GRID1: variants seen among roughly 807,000 people sequenced by gnomAD.
The protein encoded by GRID1 is glutamate ionotropic receptor delta type subunit 1.
A neutral mutation model predicts 98.0 loss-of-function variants in GRID1; 28 were observed. The observed-to-expected ratio is 0.29, with a 90% CI of 0.21 to 0.39. GRID1 has a LOEUF of 0.39. GRID1 is among the 10% of genes least tolerant of loss of function. The probability of loss-of-function intolerance (pLI) is 1.00; values close to 1 mark genes in which losing one functional copy is unlikely to be tolerated. For missense variants in GRID1, 1,111 were observed against 1,340.5 expected (o/e 0.83, Z 2.67); for synonymous variants, 553 against 538.5 (o/e 1.03, Z -0.37).
rs1453692793 is a variant in GRID1, at chr10:86,135,769, G to A, written c.726+3050C>T. ...AAGCGGAATCACAGAGAGGCTGGTG[G>A]TGCCATGTGCCCCCAGGCCAACAGC... On this transcript the variant is annotated intron_variant, in intron 4 of 15. Coordinates refer to ENST00000327946, the MANE Select transcript of GRID1 (RefSeq NM_017551.3). Among the ~76,000 whole-genome samples, 3 of 151,620 alleles carry A rather than the reference G, an allele frequency of 2.0e-5. No individual in the cohort carries two copies. The East Asian group carries it at 5.9e-4, about 30-fold the overall frequency.
In GRID1 at chr10:85,835,600, C is replaced by T. The variant is rs541823925; in HGVS notation, c.1233+18896G>A. 7.2e-5 allele frequency among the ~76,000 whole-genome samples: 11 copies of T among 152,300 alleles called. 1 individual carries two copies. In the Middle Eastern group the frequency reaches 0.017, roughly 235 times the overall value. On this transcript the variant is annotated intron_variant, in intron 8 of 15. Transcript: ENST00000327946. ...TGGAACTGTGAGTCAATCAATTAAA[C>T]CTCTTTCCTTTAAAAATTACTCAGT... is the stretch of plus-strand genomic sequence containing the variant.
At position 86,248,492 on chromosome 10, in the gene GRID1, G is replaced by A. The variant is rs114741649; in HGVS notation, c.236-41844C>T. On this transcript the variant is annotated intron_variant, in intron 2 of 15. Transcript: ENST00000327946. ...TGAAAGTTTTCTTTCTGCACTGGTC[G>A]TACAAAACGTTGGATAAATCCCAAT... 3.1e-3 allele frequency among the ~76,000 whole-genome samples: 475 copies of A among 151,480 alleles called. 1 individual carries two copies. Among genetic ancestry groups the A allele is most frequent in the African/African-American group, 0.01 (426 of 41,154 alleles).
intron 4 of GRID1, among the ~76,000 whole-genome samples, chr10:85,995,173 T>C (rs1028786026): frequency 2.0e-5 from 3 of 152,042 alleles, no homozygotes; most frequent in African/African-American, 7.2e-5. Context: ...ACAATTCAAC[T>C]TAAAGGCATT....
chr10:85,752,363 C>T (rs2132687710), intron 8 of GRID1, among the ~76,000 whole-genome samples: 1 of 152,252 alleles, frequency 6.6e-6, no homozygotes, highest in East Asian at 1.9e-4. Context: ...CAAAACATTT[C>T]CTGTACATGA....
intron 12 of GRID1, among the ~76,000 whole-genome samples, chr10:85,719,054 T>C (rs1841671260): frequency 6.6e-6 from 1 of 152,208 alleles, no homozygotes; most frequent in Admixed American, 6.5e-5. Flanking sequence ...AGTTCAAAGT[T>C]TCACAAATCT....
At chr10:85,853,916 C>T (rs1843084453) in intron 8 of GRID1, among the ~76,000 whole-genome samples, 1 of 152,234 alleles carries the variant, frequency 6.6e-6, no homozygotes. Flanking sequence ...AAAAGTATCA[C>T]TGGGAAGACC....
chr10:86,339,061 C>T (rs1848271548), intron 2 of GRID1, among the ~76,000 whole-genome samples: 1 of 152,156 alleles, frequency 6.6e-6, no homozygotes, highest in Non-Finnish European at 1.5e-5. Context: ...TCTCTCACCT[C>T]CTCTCTCAAT....
intron 12 of GRID1, among the ~76,000 whole-genome samples, chr10:85,707,676 C>A (rs1427480790): frequency 1.3e-5 from 2 of 152,152 alleles, no homozygotes; most frequent in Admixed American, 6.5e-5. Flanking sequence ...AATTTTATTG[C>A]GGCACTATTC....
chr10:86,321,626 A>C (rs1187273944), intron 2 of GRID1, among the ~76,000 whole-genome samples: 1 of 152,178 alleles, frequency 6.6e-6, no homozygotes, highest in Admixed American at 6.5e-5. Context: ...CAATCTGGGA[A>C]GCCCAGCAAG....
At chr10:86,078,714 G>T (rs1414181733) in intron 4 of GRID1, among the ~76,000 whole-genome samples, 1 of 152,242 alleles carries the variant, frequency 6.6e-6, no homozygotes, top group Non-Finnish European at 1.5e-5. Flanking sequence ...GGCAATGGGA[G>T]CCAGGCATGA....
At chr10:86,113,644 C>A (rs572864701) in intron 4 of GRID1, among the ~76,000 whole-genome samples, 1 of 152,280 alleles carries the variant, frequency 6.6e-6, no homozygotes, top group Admixed American at 6.5e-5. Flanking sequence ...GCCTGGTTTA[C>A]CCCCTGCCAG....
intron 8 of GRID1, among the ~76,000 whole-genome samples, chr10:85,780,328 A>G (rs1842370039): frequency 1.3e-5 from 2 of 152,088 alleles, no homozygotes; most frequent in African/African-American, 4.8e-5. Flanking sequence ...TGGCCACCAC[A>G]TCCCCCACAG....
chr10:86,211,144 T>C (rs1005699354), intron 2 of GRID1, among the ~76,000 whole-genome samples: 1 of 152,246 alleles, frequency 6.6e-6, no homozygotes, highest in African/African-American at 2.4e-5. Flanking sequence ...AAGGTCTTTA[T>C]ATGTGGACAG....
intron 2 of GRID1, among the ~76,000 whole-genome samples, chr10:86,330,335 T>C (rs1284886800): frequency 6.6e-6 from 1 of 152,178 alleles, no homozygotes; most frequent in East Asian, 1.9e-4. Flanking sequence ...AGGAGGCCTC[T>C]GCAGAAGGCA....
chr10:86,206,685 T>A lies in GRID1; in HGVS notation c.236-37A>T. 2 of 1,581,694 alleles carry A rather than the reference T, an allele frequency of 1.3e-6. No homozygotes were observed. Among genetic ancestry groups the A allele is most frequent in the Non-Finnish European group, 1.7e-6 (2 of 1,158,640 alleles). ...GAAGAGAGAGAGGAAGGGGTCAGCA[T>A]CAGGGCGATGCTGCACCAGCTTCAA... On this transcript the variant is annotated intron_variant, in intron 2 of 15. Coordinates refer to ENST00000327946, the MANE Select transcript of GRID1 (RefSeq NM_017551.3). The surrounding 1 kb of genome is among the most constrained non-coding windows in gnomAD (Gnocchi z 4.1).
intron 4 of GRID1, among the ~76,000 whole-genome samples, chr10:86,138,208 T>C (rs1034432103): frequency 1.3e-5 from 2 of 152,212 alleles, no homozygotes. Flanking sequence ...CTTCTCAAAT[T>C]AATGGATTCT....
chr10:86,151,182 AG>A (rs1368367607), intron 3 of GRID1, among the ~76,000 whole-genome samples: 1 of 152,164 alleles, frequency 6.6e-6, no homozygotes, highest in Non-Finnish European at 1.5e-5. Context: ...AACAAGCTGA[AG>A]GCACGTGGGA....
intron 4 of GRID1, among the ~76,000 whole-genome samples, chr10:86,133,492 C>G (rs935090469): frequency 6.6e-6 from 1 of 152,208 alleles, no homozygotes; most frequent in African/African-American, 2.4e-5. Flanking sequence ...GCCTCATTTG[C>G]TGAGCCACCC....
At chr10:86,027,453 A>G (rs1843130398) in intron 4 of GRID1, among the ~76,000 whole-genome samples, 2 of 152,220 alleles carry the variant, frequency 1.3e-5, no homozygotes, top group South Asian at 2.1e-4. Context: ...GCTAAATACT[A>G]TTTCATTGTA....
Sources: gnomAD v4.1 joint callset for allele counts (sites outside exome capture counted in the v4.1 genomes callset) on GRCh38, gnomAD v4.1.1 for gene constraint, Gnocchi (gnomAD v3.1) non-coding constraint, MANE v1.5 for transcripts, NCBI Gene and HGNC (gene_info 2026-07-23, HGNC 2026-07-21) for gene names.